FXYD6: variants seen among roughly 807,000 people sequenced by gnomAD.
The protein encoded by FXYD6 is FXYD domain containing ion transport regulator 6, also known as FXYD domain-containing ion transport regulator 6.
Under a neutral mutation model 16.7 loss-of-function variants are expected in FXYD6, and 7 were observed. That is an observed-to-expected ratio of 0.42 (90% CI 0.24 to 0.79). The LOEUF is 0.79. Among genes scored for constraint, FXYD6 ranks in the 30% least tolerant of loss-of-function variants. The pLI, the probability that FXYD6 is intolerant of heterozygous loss-of-function variation, is 0.28. For synonymous variants in FXYD6, 49 were observed against 43.0 expected, an observed-to-expected ratio of 1.14 and a Z score of -0.54; for missense variants, 111 against 116.2, an observed-to-expected ratio of 0.95 and a Z score of 0.21.
intron 1 of FXYD6, 138 bp from the exon 2 acceptor site, chr11:117,842,919 C>T (rs2056387192): frequency 3.5e-6 from 3 of 848,704 alleles, no homozygotes; most frequent in South Asian, 3.1e-5. Context: ...GTTCAAACAA[C>T]CTAAGCACAA....
upstream of FXYD6, chr11:117,877,163 A>C (rs2057289480): frequency 6.6e-6 from 1 of 152,238 alleles, no homozygotes; most frequent in Non-Finnish European, 1.5e-5. Context: ...AGCCCACGTT[A>C]ATTGGGAGCC....
intron 1 of FXYD6, among the ~76,000 whole-genome samples, chr11:117,868,720 G>A (rs550433017): frequency 7.2e-5 from 11 of 152,160 alleles, no homozygotes; most frequent in Non-Finnish European, 1.2e-4. Context: ...ATGTAAGATC[G>A]TAATAATAGC....
chr11:117,853,801 T>A (rs1312812949), intron 1 of FXYD6, among the ~76,000 whole-genome samples: 1 of 152,168 alleles, frequency 6.6e-6, no homozygotes, highest in Non-Finnish European at 1.5e-5. Flanking sequence ...CCCAGTTATC[T>A]CATGGGGTTT....
At chr11:117,845,298 A>G (rs1020396655) in intron 1 of FXYD6, among the ~76,000 whole-genome samples, 2 of 152,256 alleles carry the variant, frequency 1.3e-5, no homozygotes. Flanking sequence ...TTCAGGGTTC[A>G]TCTACCTTGT....
At chr11:117,850,262 T>C (rs370456465) in intron 1 of FXYD6, among the ~76,000 whole-genome samples, 2 of 151,248 alleles carry the variant, frequency 1.3e-5, no homozygotes, top group East Asian at 3.8e-4. Context: ...AGTGATTGAT[T>C]TACTGAGATT....
chr11:117,842,325 T>C (rs2056367604), intron 2 of FXYD6: 1 of 572,704 alleles, frequency 1.7e-6, no homozygotes, highest in South Asian at 2.1e-5. Context: ...GGGTCAGTTT[T>C]CCTCTTGTGA....
chr11:117,858,592 T>C (rs975918966), intron 1 of FXYD6, among the ~76,000 whole-genome samples: 2 of 152,166 alleles, frequency 1.3e-5, no homozygotes, highest in Non-Finnish European at 2.9e-5. Flanking sequence ...TCATCCTCTG[T>C]TTTTGTAAAA....
At chr11:117,855,228 G>A (rs1166607826) in intron 1 of FXYD6, among the ~76,000 whole-genome samples, 2 of 152,154 alleles carry the variant, frequency 1.3e-5, no homozygotes, top group African/African-American at 4.8e-5. Flanking sequence ...GTGACAGTGT[G>A]AAAAGAAATA....
chr11:117,863,242 C>A (rs2056947033), intron 1 of FXYD6, among the ~76,000 whole-genome samples: 1 of 152,042 alleles, frequency 6.6e-6, no homozygotes. Flanking sequence ...TGGGCAGGAA[C>A]TAAGGGAAAT....
At chr11:117,858,633 TTC>T (rs1482517340) in intron 1 of FXYD6, among the ~76,000 whole-genome samples, 2 of 16,918 alleles carry the variant, frequency 1.2e-4, no homozygotes, top group South Asian at 2.9e-3. Flanking sequence ...ATTTTCTTTT[TTC>T]TTTCTTTCTT....
At chr11:117,847,329 T>C (rs1223261081) in intron 1 of FXYD6, among the ~76,000 whole-genome samples, 1 of 151,686 alleles carries the variant, frequency 6.6e-6, no homozygotes, top group African/African-American at 2.4e-5. Flanking sequence ...ATTCTCACGC[T>C]GTTTATTTCT....
rs188901888 is a variant in FXYD6 at position 117,839,944 on chromosome 11, T to G, written c.260-114A>C. 46 of 1,381,780 alleles carry G rather than the reference T, an allele frequency of 3.3e-5. No individual in the cohort carries two copies. In the African/African-American group the frequency reaches 4.5e-4, roughly 14 times the overall value. The allele number at this position is 1,381,780 out of a possible 1,614,324, so 85.6% of individuals were successfully genotyped here. On this transcript the variant is annotated intron_variant, in intron 6 of 7. Coordinates refer to ENST00000526014, the MANE Select transcript of FXYD6 (RefSeq NM_022003.4). ...TGGGGGAGCAAAGAGGTGACGGGCA[T>G]GGGATTTCGAGTCAGAACGATCTGG...
rs2056218713 is a variant in FXYD6, at chr11:117,837,196, C to T, written c.*1103G>A. ...TGCACGGAGCCTGCTGAGTCTCCAA[C>T]CCACCTCGCTCACCGCTCTGACCAC... On this transcript the variant is annotated 3_prime_UTR_variant, in exon 8 of 8. Coordinates refer to ENST00000526014, the MANE Select transcript of FXYD6 (RefSeq NM_022003.4). This position sits in a 1 kb window ranked among gnomAD's most constrained non-coding sequence, Gnocchi z 4.4. 1 of 152,170 alleles carries T rather than the reference C, an allele frequency of 6.6e-6. No homozygotes were observed. Among genetic ancestry groups the T allele is most frequent in the African/African-American group, 2.4e-5 (1 of 41,420 alleles). The allele number at this position is 152,170 out of a possible 1,614,324, so 9.4% of individuals were successfully genotyped here.
At chr11:117,862,548 G>A (rs779809187) in intron 1 of FXYD6, among the ~76,000 whole-genome samples, 1 of 152,182 alleles carries the variant, frequency 6.6e-6, no homozygotes, top group African/African-American at 2.4e-5. Context: ...AAGAGACCAG[G>A]AGCTGCGGCT....
rs758256700 is a variant in FXYD6, at chr11:117,858,631, T to TTTTCTTTC, written c.-5-15858_-5-15851dup. 1.9e-3 allele frequency among the ~76,000 whole-genome samples: 203 copies of TTTTCTTTC among 106,758 alleles called. 2 individuals are homozygous for TTTTCTTTC. The highest frequency in any genetic ancestry group is 2.6e-3 in the Non-Finnish European group (125 of 47,858). The allele number at this position is 106,758 out of a possible 152,430, so 70.0% of individuals were successfully genotyped here. A position where few individuals can be genotyped will look rare whatever the true frequency, so the allele number is the denominator to read the frequency against. ...AGAGTCGATTCTGCTTCATTTTCTT[T>TTTTCTTTC]TTTCTTTCTTTCTTTCTTTCTTTCT... is the stretch of plus-strand genomic sequence containing the variant. On this transcript the variant is annotated intron_variant, in intron 1 of 7. Transcript: ENST00000526014.
At chr11:117,857,103 GC>G (rs1391345918) in intron 1 of FXYD6, among the ~76,000 whole-genome samples, 3 of 152,214 alleles carry the variant, frequency 2.0e-5, no homozygotes, top group Non-Finnish European at 4.4e-5. Context: ...CAGGAGGGAA[GC>G]CACTGCCACT....
intron 1 of FXYD6, among the ~76,000 whole-genome samples, chr11:117,860,604 A>C (rs5014620): frequency 0.48 from 72,983 of 152,066 alleles, 18,289 homozygotes; most frequent in East Asian, 0.73. Flanking sequence ...CGGAACCCTG[A>C]AGCTGATTAG....
chr11:117,876,963 C>G (rs964252976), upstream of FXYD6: 2 of 152,264 alleles, frequency 1.3e-5, no homozygotes, highest in African/African-American at 4.8e-5. Context: ...CGAGAAGCAA[C>G]AGGAGACTGC....
intron 1 of FXYD6, among the ~76,000 whole-genome samples, chr11:117,867,845 AAAAG>A (rs1048989144): frequency 3.9e-5 from 6 of 152,262 alleles, no homozygotes; most frequent in Admixed American, 1.3e-4. Flanking sequence ...TCAGAAAAAA[AAAAG>A]AAAGAAAGAA....
Sources: gnomAD v4.1 joint callset for allele counts (sites outside exome capture counted in the v4.1 genomes callset) on GRCh38, gnomAD v4.1.1 for gene constraint, Gnocchi (gnomAD v3.1) non-coding constraint, MANE v1.5 for transcripts, NCBI Gene and HGNC (gene_info 2026-07-23, HGNC 2026-07-21) for gene names.